Variants in GULP1 observed in about 807,000 individuals in gnomAD.
GULP1 encodes the protein GULP PTB domain containing engulfment adaptor 1.
A neutral mutation model predicts 40.9 loss-of-function variants in GULP1; 19 were observed. That is an observed-to-expected ratio of 0.46 (90% CI 0.32 to 0.68). The LOEUF is 0.68. Ranked by LOEUF, GULP1 falls within the 30% of genes least tolerant of loss-of-function variation. The probability of loss-of-function intolerance (pLI) is 0.03; values close to 1 mark genes in which losing one functional copy is unlikely to be tolerated. For synonymous variants in GULP1, 119 were observed against 117.6 expected, an observed-to-expected ratio of 1.01 and a Z score of -0.08; for missense variants, 312 against 362.2, an observed-to-expected ratio of 0.86 and a Z score of 1.12.
intron 4 of GULP1, among the ~76,000 whole-genome samples, chr2:188,492,146 A>C (rs1324537406): frequency 1.4e-4 from 22 of 152,080 alleles, no homozygotes; most frequent in Admixed American, 1.4e-3. Context: ...TAATTCATAC[A>C]AGCAAAATCT....
chr2:188,466,848 G>A (rs2060170634), intron 2 of GULP1, among the ~76,000 whole-genome samples: 1 of 151,976 alleles, frequency 6.6e-6, no homozygotes, highest in African/African-American at 2.4e-5. Context: ...TTGACAGGTA[G>A]GGATACTCAC....
chr2:188,541,754 T>C (rs1019476807), intron 7 of GULP1: 4 of 207,162 alleles, frequency 1.9e-5, no homozygotes, highest in Admixed American at 5.7e-5. Flanking sequence ...GGAAATATGA[T>C]CTATATGGTT....
chr2:188,561,977 G>A (rs78847225), intron 7 of GULP1, among the ~76,000 whole-genome samples: 3,842 of 152,234 alleles, frequency 0.025, 176 homozygotes, highest in African/African-American at 0.088. Flanking sequence ...GGCAGCTACA[G>A]CCAATGCCTT....
At chr2:188,503,890 A>G (rs1171537765) in intron 4 of GULP1, among the ~76,000 whole-genome samples, 1 of 151,912 alleles carries the variant, frequency 6.6e-6, no homozygotes, top group East Asian at 1.9e-4. Context: ...AGTAACACAT[A>G]TACATTAAAA....
chr2:188,361,770 C>T (rs1253206852), intron 1 of GULP1, among the ~76,000 whole-genome samples: 2 of 151,922 alleles, frequency 1.3e-5, no homozygotes, highest in African/African-American at 4.8e-5. Context: ...GCTTACCATG[C>T]CTATGATGTA....
chr2:188,516,810 T>A (rs2065222023), intron 4 of GULP1, among the ~76,000 whole-genome samples: 1 of 152,168 alleles, frequency 6.6e-6, no homozygotes, highest in Non-Finnish European at 1.5e-5. Context: ...CTTCAATTGT[T>A]CTAGTTCGTA....
intron 1 of GULP1, among the ~76,000 whole-genome samples, chr2:188,352,564 T>A (rs1376837470): frequency 6.6e-6 from 1 of 151,530 alleles, no homozygotes; most frequent in Non-Finnish European, 1.5e-5. Flanking sequence ...TCTCTCTCTC[T>A]TTTTCTCTTT....
chr2:188,338,318 T>A (rs2042539331), intron 1 of GULP1, among the ~76,000 whole-genome samples: 1 of 150,434 alleles, frequency 6.6e-6, no homozygotes, highest in African/African-American at 2.5e-5. Context: ...TCACTCTGTC[T>A]CCCAGGCTGG....
At chr2:188,497,553 G>C (rs1045540143) in intron 4 of GULP1, among the ~76,000 whole-genome samples, 1 of 151,852 alleles carries the variant, frequency 6.6e-6, no homozygotes, top group Non-Finnish European at 1.5e-5. Flanking sequence ...TTTTTTAAGG[G>C]TATAAATTAA....
rs949874728 is a variant in GULP1 at position 188,348,844 on chromosome 2, C to T, written c.-171-34919C>T. Among the ~76,000 whole-genome samples, 7 of 152,044 alleles carry T rather than the reference C, an allele frequency of 4.6e-5. No homozygotes were observed. The East Asian group carries it at 7.7e-4, about 17-fold the overall frequency. On this transcript the variant is annotated intron_variant, in intron 1 of 11. Coordinates refer to ENST00000409830, the MANE Select transcript of GULP1 (RefSeq NM_016315.4). ...TCCCCCTCCGATATCGAAGGATGAC[C>T]GTACTTTATCTTCTATCAGTAAATG...
intron 6 of GULP1, among the ~76,000 whole-genome samples, chr2:188,536,829 C>G (rs886721089): frequency 9.9e-5 from 15 of 152,126 alleles, no homozygotes; most frequent in African/African-American, 3.6e-4. Context: ...AATATTTTTC[C>G]ATTTGTTTCT....
intron 9 of GULP1, among the ~76,000 whole-genome samples, chr2:188,570,537 T>C (rs1182649164): frequency 1.3e-5 from 2 of 152,286 alleles, no homozygotes; most frequent in Middle Eastern, 3.4e-3. Context: ...TGGTTTCTTA[T>C]ATTACATGGT....
chr2:188,573,041 T>A (rs577152289), intron 9 of GULP1, among the ~76,000 whole-genome samples: 1 of 152,180 alleles, frequency 6.6e-6, no homozygotes, highest in Admixed American at 6.6e-5. Context: ...TAGAATTTAT[T>A]TGATTTTTAG....
chr2:188,493,916 C>T (rs2062651149), intron 4 of GULP1, among the ~76,000 whole-genome samples: 1 of 152,066 alleles, frequency 6.6e-6, no homozygotes, highest in Non-Finnish European at 1.5e-5. Context: ...TACATGACAA[C>T]TCTCAGATCT....
At chr2:188,307,212 A>G in intron 1 of GULP1, among the ~76,000 whole-genome samples, 1 of 152,302 alleles carries the variant, frequency 6.6e-6, no homozygotes, top group South Asian at 2.1e-4. Context: ...ATTTTGATTA[A>G]CAAATATGAT....
intron 1 of GULP1, among the ~76,000 whole-genome samples, chr2:188,321,029 C>T (rs1407046129): frequency 1.3e-5 from 2 of 151,854 alleles, no homozygotes; most frequent in Non-Finnish European, 2.9e-5. Flanking sequence ...CTTATTTCCG[C>T]CCTTGGTATA....
chr2:188,353,891 C>T (rs1329314246), intron 1 of GULP1, among the ~76,000 whole-genome samples: 1 of 151,868 alleles, frequency 6.6e-6, no homozygotes. Context: ...GGAACTGGTG[C>T]CTTGGCCAAG....
chr2:188,414,569 T>G (rs1156324737), intron 2 of GULP1, among the ~76,000 whole-genome samples: 3 of 152,186 alleles, frequency 2.0e-5, no homozygotes, highest in African/African-American at 7.2e-5. Context: ...TATAAGATGC[T>G]TGCCCTCCCA....
intron 11 of GULP1, chr2:188,589,082 A>ACATAAAAATT (rs747312764): frequency 2.6e-5 from 4 of 152,158 alleles, no homozygotes; most frequent in Non-Finnish European, 5.9e-5. Context: ...TTAGATCCTT[A>ACATAAAAATT]GTATTAACTT....
Sources: allele counts gnomAD v4.1 joint callset (sites outside exome capture counted in the v4.1 genomes callset), GRCh38; gene constraint gnomAD v4.1.1; transcripts MANE v1.5; gene names NCBI Gene and HGNC (gene_info 2026-07-23, HGNC 2026-07-21).